Variants in BMPER observed in about 807,000 individuals in gnomAD.
BMPER encodes the protein BMP binding endothelial regulator, also known as BMP-binding endothelial regulator protein.
BMPER carries 45 observed loss-of-function variants against 87.3 expected under a neutral mutation model. The ratio of observed to expected loss-of-function variants is 0.52; its 90% CI spans 0.41 to 0.66. The LOEUF (loss-of-function observed/expected upper bound fraction) is 0.66. Among genes scored for constraint, BMPER ranks in the 30% least tolerant of loss-of-function variants. The pLI is 0.00. For synonymous variants in BMPER, 326 were observed against 316.2 expected, an observed-to-expected ratio of 1.03 and a Z score of -0.33; for missense variants, 784 against 867.5, an observed-to-expected ratio of 0.90 and a Z score of 1.21.
rs189128936 is a variant in BMPER at position 34,013,670 on chromosome 7, T to C, written c.577-32636T>C. On this transcript the variant is annotated intron_variant, in intron 6 of 14. Transcript: ENST00000649409. The stretch of plus-strand genomic sequence containing the variant: ...AGTTTGATTTTCTAGGAAGACTCCA[T>C]CACAGTTGGTCTCATGAGCTTCCAT... 2.6e-5 allele frequency among the ~76,000 whole-genome samples: 4 copies of C among 152,030 alleles called. No homozygotes were observed. In the East Asian group the frequency reaches 7.8e-4, roughly 30 times the overall value.
At chr7:34,123,724 A>G (rs1790322677) in intron 13 of BMPER, among the ~76,000 whole-genome samples, 1 of 152,210 alleles carries the variant, frequency 6.6e-6, no homozygotes, top group Non-Finnish European at 1.5e-5. Flanking sequence ...TTCTCTGTTA[A>G]TCAAACACAT....
chr7:33,950,390 C>T (rs538098152), intron 3 of BMPER, among the ~76,000 whole-genome samples: 42 of 152,282 alleles, frequency 2.8e-4, no homozygotes, highest in African/African-American at 9.6e-4. Flanking sequence ...CTATGACAAA[C>T]TTAACGGCCT....
intron 3 of BMPER, 85 bp from the exon 4 acceptor site, chr7:33,966,394 G>A: frequency 1.7e-6 from 2 of 1,201,342 alleles, no homozygotes; most frequent in Non-Finnish European, 2.5e-6. Context: ...TGGGCTTAGA[G>A]AACATAACTT....
At chr7:34,037,460 T>A (rs1197579233) in intron 6 of BMPER, among the ~76,000 whole-genome samples, 2 of 150,596 alleles carry the variant, frequency 1.3e-5, no homozygotes, top group Non-Finnish European at 3.0e-5. Context: ...CCGAGACCGG[T>A]TGAGGCATTT....
chr7:34,063,241 C>G (rs1037065011), intron 11 of BMPER, among the ~76,000 whole-genome samples: 1 of 152,172 alleles, frequency 6.6e-6, no homozygotes. Context: ...TGGAAGACAG[C>G]TGAAAGCAGC....
At chr7:34,040,740 T>G (rs1787811980) in intron 6 of BMPER, among the ~76,000 whole-genome samples, 1 of 152,150 alleles carries the variant, frequency 6.6e-6, no homozygotes. Flanking sequence ...GGTGAACACT[T>G]TATCTTCTTC....
At chr7:33,997,913 C>A (rs190386132) in intron 6 of BMPER, among the ~76,000 whole-genome samples, 42 of 152,242 alleles carry the variant, frequency 2.8e-4, no homozygotes, top group African/African-American at 7.5e-4. Flanking sequence ...CTCCTAAATC[C>A]CCCTGCCACC....
chr7:33,968,635 C>T (rs1785462459), intron 4 of BMPER, among the ~76,000 whole-genome samples: 1 of 152,158 alleles, frequency 6.6e-6, no homozygotes, highest in Non-Finnish European at 1.5e-5. Context: ...GAGTTGTAAG[C>T]AGAAAGCCAA....
In BMPER at chr7:34,029,072, G is replaced by A. The variant is rs151310154; in HGVS notation, c.577-17234G>A. On this transcript the variant is annotated intron_variant, in intron 6 of 14. Coordinates refer to ENST00000649409, the MANE Select transcript of BMPER (RefSeq NM_001365308.1). The stretch of plus-strand genomic sequence containing the variant: ...TGAAAAGTACATGCTGAGATTTCAA[G>A]TAGGGAAGGTAGAATACTCAATGGT... 1.8e-3 allele frequency among the ~76,000 whole-genome samples: 273 copies of A among 152,168 alleles called. 2 individuals are homozygous for A. Among genetic ancestry groups the A allele is most frequent in the African/African-American group, 6.2e-3 (256 of 41,554 alleles).
intron 3 of BMPER, among the ~76,000 whole-genome samples, chr7:33,951,457 C>G: frequency 6.6e-6 from 1 of 152,170 alleles, no homozygotes; most frequent in Non-Finnish European, 1.5e-5. Context: ...TGTTGTAGAG[C>G]TGACTTTGAC....
intron 6 of BMPER, among the ~76,000 whole-genome samples, chr7:34,010,776 T>C (rs1365840236): frequency 6.6e-6 from 1 of 151,940 alleles, no homozygotes; most frequent in Admixed American, 6.6e-5. Flanking sequence ...ATTCTACATT[T>C]ATGAAATCTG....
chr7:34,045,555 C>T (rs1411909420), intron 6 of BMPER, among the ~76,000 whole-genome samples: 1 of 152,140 alleles, frequency 6.6e-6, no homozygotes, highest in Non-Finnish European at 1.5e-5. Context: ...TTCAGAGACT[C>T]CATAACTTCT....
intron 11 of BMPER, among the ~76,000 whole-genome samples, chr7:34,068,732 A>G (rs1788660428): frequency 6.6e-6 from 1 of 152,144 alleles, no homozygotes; most frequent in Non-Finnish European, 1.5e-5. Context: ...TCTGTATATA[A>G]TTTCCACCAG....
At chr7:33,996,652 A>C (rs991344455) in intron 6 of BMPER, among the ~76,000 whole-genome samples, 3 of 152,244 alleles carry the variant, frequency 2.0e-5, no homozygotes, top group African/African-American at 7.2e-5. Context: ...TGTCTGGTAG[A>C]AATATGGTGT....
intron 13 of BMPER, among the ~76,000 whole-genome samples, chr7:34,140,942 G>T (rs1186893156): frequency 6.6e-6 from 1 of 152,106 alleles, no homozygotes; most frequent in East Asian, 1.9e-4. Flanking sequence ...TGGGAGCCGT[G>T]TATACAGAAA....
intron 11 of BMPER, chr7:34,067,125 G>A (rs1194346845): frequency 6.6e-6 from 1 of 152,204 alleles, no homozygotes; most frequent in Non-Finnish European, 1.5e-5. Flanking sequence ...AGAAGTAACA[G>A]GAAATATCAA....
At chr7:34,119,038 G>A (rs55863907) in intron 13 of BMPER, among the ~76,000 whole-genome samples, 734 of 26,662 alleles carry the variant, frequency 0.028, 4 homozygotes, top group African/African-American at 0.055. Flanking sequence ...ACACACACAC[G>A]CACTCGATAC....
At chr7:34,058,221 G>A (rs1397458683) in intron 10 of BMPER, 58 bp downstream of exon 10, 2 of 1,494,956 alleles carry the variant, frequency 1.3e-6, no homozygotes, top group African/African-American at 2.8e-5. Flanking sequence ...TCCTGTGTGT[G>A]GCACAGTCGC....
chr7:33,914,371 A>G lies in BMPER; in HGVS notation c.219+7468A>G, dbSNP rs535121893. 1.2e-4 allele frequency among the ~76,000 whole-genome samples: 18 copies of G among 152,302 alleles called. No homozygotes were observed. In the South Asian group the frequency reaches 2.1e-3, roughly 18 times the overall value. On this transcript the variant is annotated intron_variant, in intron 2 of 14. Coordinates refer to ENST00000649409, the MANE Select transcript of BMPER (RefSeq NM_001365308.1). ...CACTAGTCTTGCAGAAGTGTTTTGG[A>G]GCCCACGTTTATAGCGCTTGGCAAG... is the stretch of plus-strand genomic sequence containing the variant.
Sources: gnomAD v4.1 joint callset for allele counts (sites outside exome capture counted in the v4.1 genomes callset) on GRCh38, gnomAD v4.1.1 for gene constraint, MANE v1.5 for transcripts, NCBI Gene and HGNC (gene_info 2026-07-23, HGNC 2026-07-21) for gene names.